PCDHGA5: variants seen among roughly 807,000 people sequenced by gnomAD.
PCDHGA5 encodes protocadherin gamma-A5.
Under a neutral mutation model 56.7 loss-of-function variants are expected in PCDHGA5, and 36 were observed. The ratio of observed to expected loss-of-function variants is 0.64; its 90% CI spans 0.49 to 0.84. PCDHGA5 has a LOEUF of 0.84. Among genes scored for constraint, PCDHGA5 ranks in the 40% least tolerant of loss-of-function variants. The pLI is 0.00. For synonymous variants in PCDHGA5, 563 were observed against 520.2 expected, an observed-to-expected ratio of 1.08 and a Z score of -1.12; for missense variants, 1,305 against 1,201.5, an observed-to-expected ratio of 1.09 and a Z score of -1.27.
At chr5:141,420,024 C>T (rs2096459407) in intron 1 of PCDHGA5, 1 of 1,614,088 alleles carries the variant, frequency 6.2e-7, no homozygotes, top group Non-Finnish European at 8.5e-7. Context: ...TTCAGCCCTA[C>T]TGCAGGAGAC....
intron 1 of PCDHGA5, chr5:141,374,501 G>T (rs746410507): frequency 8.1e-6 from 13 of 1,611,510 alleles, no homozygotes; most frequent in Non-Finnish European, 1.0e-5. Context: ...AGAATTGGAA[G>T]TGAAAATTCT....
chr5:141,496,839 A>G (rs2099771783), intron 2 of PCDHGA5, among the ~76,000 whole-genome samples: 1 of 151,484 alleles, frequency 6.6e-6, no homozygotes. Flanking sequence ...CAGAACTCAT[A>G]GGCTTCCAGA....
At chr5:141,478,694 T>A (rs2099472305) in intron 1 of PCDHGA5, 1 of 1,550,598 alleles carries the variant, frequency 6.4e-7, no homozygotes, top group Admixed American at 2.0e-5. Flanking sequence ...TAGATCAAAG[T>A]TAGTGCCTTT....
intron 3 of PCDHGA5, 67 bp from the exon 4 acceptor site, chr5:141,510,880 G>A (rs373993657): frequency 1.9e-6 from 3 of 1,611,784 alleles, no homozygotes; most frequent in Admixed American, 3.3e-5. Context: ...AACTGCTGGG[G>A]ATATAAGACA....
Position 141,485,098 on chromosome 5 carries a change from A to G in PCDHGA5, c.2422-9709A>G, listed in dbSNP as rs2099606903. ...CGGGGAAAGGGAGATAGGTGTCTCCAGCTGCTGTGGCTGTTTGGGGCGGGT... is the reference window on the plus strand; with the variant it reads ...CGGGGAAAGGGAGATAGGTGTCTCCGGCTGCTGTGGCTGTTTGGGGCGGGT... On this transcript the variant is annotated intron_variant, in intron 1 of 3. Transcript: ENST00000518069. This position sits in a 1 kb window ranked among gnomAD's most constrained non-coding sequence, Gnocchi z 5.7. 8.8e-7 allele frequency: 1 copy of G among 1,134,792 alleles called. No individual in the cohort carries two copies. Among genetic ancestry groups the G allele is most frequent in the South Asian group, 1.4e-5 (1 of 71,796 alleles). The allele number at this position is 1,134,792 out of a possible 1,614,324, so 70.3% of individuals were successfully genotyped here. A position where few individuals can be genotyped will look rare whatever the true frequency, so the allele number is the denominator to read the frequency against.
At chr5:141,405,403 T>A (rs1430892971) in intron 1 of PCDHGA5, 2 of 1,586,108 alleles carry the variant, frequency 1.3e-6, no homozygotes, top group Non-Finnish European at 1.7e-6. Flanking sequence ...TCTTTCTTTC[T>A]TTTCTTTTTT....
At chr5:141,492,402 C>A (rs1254310448) in intron 1 of PCDHGA5, among the ~76,000 whole-genome samples, 1 of 152,232 alleles carries the variant, frequency 6.6e-6, no homozygotes, top group African/African-American at 2.4e-5. Flanking sequence ...TCGCAGCTCC[C>A]CTCTGCCGCT....
At chr5:141,452,003 T>C (rs1031228207) in intron 1 of PCDHGA5, among the ~76,000 whole-genome samples, 2 of 152,210 alleles carry the variant, frequency 1.3e-5, no homozygotes, top group Non-Finnish European at 2.9e-5. Context: ...CAAAATCACT[T>C]GGTCCAGCCC....
At chr5:141,389,766 C>G in intron 1 of PCDHGA5, 1 of 1,613,060 alleles carries the variant, frequency 6.2e-7, no homozygotes, top group Non-Finnish European at 8.5e-7. Flanking sequence ...GCGCACAGCG[C>G]GTGCCTTAGG....
At position 141,404,863 on chromosome 5, in the gene PCDHGA5, G is replaced by A. The variant is rs370856862; in HGVS notation, c.2421+38112G>A. 507 of 1,613,746 alleles carry A rather than the reference G, an allele frequency of 3.1e-4. 2 individuals are homozygous for A. The highest frequency in any genetic ancestry group is 3.8e-4 in the Non-Finnish European group (451 of 1,179,902). On this transcript the variant is annotated intron_variant, in intron 1 of 3. Coordinates refer to ENST00000518069, the MANE Select transcript of PCDHGA5 (RefSeq NM_018918.3). ...CTCGGGCCCTGCTAGATAGAGATGC[G>A]CTCAAACAGAGCCTTGTGGTGGCTG...
At chr5:141,400,360 C>T (rs1327384409) in intron 1 of PCDHGA5, 2 of 1,614,030 alleles carry the variant, frequency 1.2e-6, no homozygotes, top group East Asian at 2.2e-5. Context: ...GGGGACTTTG[C>T]CTTATTCCTA....
At chr5:141,421,678 G>T in intron 1 of PCDHGA5, 3 of 1,613,892 alleles carry the variant, frequency 1.9e-6, no homozygotes, top group Non-Finnish European at 2.5e-6. Context: ...AATTCCTGGG[G>T]CGCGATTTGC....
intron 1 of PCDHGA5, among the ~76,000 whole-genome samples, chr5:141,369,397 TG>T (rs1766213103): frequency 6.6e-6 from 1 of 152,082 alleles, no homozygotes; most frequent in Non-Finnish European, 1.5e-5. Flanking sequence ...TGGGCCAGGG[TG>T]GTTCATGACT....
In PCDHGA5 at chr5:141,483,413, G is replaced by A. The variant is rs112015754; in HGVS notation, c.2422-11394G>A. 5.9e-4 allele frequency among the ~76,000 whole-genome samples: 90 copies of A among 152,300 alleles called. 1 individual carries two copies. Among genetic ancestry groups the A allele is most frequent in the African/African-American group, 1.7e-3 (69 of 41,584 alleles). ...AAATGCTTGAACCAGCACAGTGGCA[G>A]TACAGATGGAGGGAGCTGACTACAA... On this transcript the variant is annotated intron_variant, in intron 1 of 3. Transcript: ENST00000518069.
At chr5:141,379,947 T>C (rs546796076) in intron 1 of PCDHGA5, among the ~76,000 whole-genome samples, 40 of 134,556 alleles carry the variant, frequency 3.0e-4, no homozygotes, top group African/African-American at 9.9e-4. Context: ...TCTCCCAGGC[T>C]GGAATGCAGT....
chr5:141,445,828 G>A (rs1188169953), intron 1 of PCDHGA5, among the ~76,000 whole-genome samples: 2 of 152,188 alleles, frequency 1.3e-5, no homozygotes, highest in African/African-American at 2.4e-5. Context: ...AAGGCAGGGA[G>A]AGCCTTGTAA....
At chr5:141,414,753 T>G (rs10041534) in intron 1 of PCDHGA5, 22 of 1,614,088 alleles carry the variant, frequency 1.4e-5, no homozygotes, top group Non-Finnish European at 1.8e-5. Context: ...CCTTCGACTA[T>G]GAGCAGTTTC....
At chr5:141,370,227 G>C (rs375551989) in intron 1 of PCDHGA5, 1 of 585,120 alleles carries the variant, frequency 1.7e-6, no homozygotes. Context: ...GCTGCAGCCA[G>C]CTCGGAAGAA....
intron 1 of PCDHGA5, chr5:141,393,493 G>A (rs1034199960): frequency 6.2e-7 from 1 of 1,614,046 alleles, no homozygotes; most frequent in Non-Finnish European, 8.5e-7. Context: ...AGCACAGTGC[G>A]CATCCACGTG....
Sources: gnomAD v4.1 joint callset for allele counts (sites outside exome capture counted in the v4.1 genomes callset) on GRCh38, gnomAD v4.1.1 for gene constraint, Gnocchi (gnomAD v3.1) non-coding constraint, MANE v1.5 for transcripts, NCBI Gene and HGNC (gene_info 2026-07-23, HGNC 2026-07-21) for gene names.